The following LRRFIP2 variants were observed in gnomAD, a reference collection of about 807,000 sequenced individuals.
LRRFIP2 encodes LRR binding FLII interacting protein 2, also known as leucine-rich repeat flightless-interacting protein 2.
A neutral mutation model predicts 125.9 loss-of-function variants in LRRFIP2; 109 were observed. That is an observed-to-expected ratio of 0.87 (90% CI 0.74 to 1.01). The LOEUF is 1.01. Ranked by LOEUF, LRRFIP2 falls within the 50% of genes least tolerant of loss-of-function variation. LRRFIP2 has a pLI of 0.00. For missense variants in LRRFIP2, 850 were observed against 862.3 expected (o/e 0.99, Z 0.18); for synonymous variants, 291 against 293.1 (o/e 0.99, Z 0.07).
At chr3:37,151,308 G>A (rs748834327) in intron 1 of LRRFIP2, among the ~76,000 whole-genome samples, 7 of 151,780 alleles carry the variant, frequency 4.6e-5, no homozygotes, top group South Asian at 2.1e-4. Context: ...GCAGTGAACC[G>A]AGATCGTGCC....
At chr3:37,073,022 T>TG (rs1344518633) in intron 20 of LRRFIP2, 140 bp from the exon 21 acceptor site, 8 of 569,534 alleles carry the variant, frequency 1.4e-5, no homozygotes, top group Non-Finnish European at 2.5e-5. Flanking sequence ...AAAGCAAAAT[T>TG]GGTCTGCCAA....
intron 18 of LRRFIP2, among the ~76,000 whole-genome samples, chr3:37,087,192 T>C (rs2093111849): frequency 6.6e-6 from 1 of 152,194 alleles, no homozygotes; most frequent in East Asian, 1.9e-4. Flanking sequence ...AATTAAGTTG[T>C]CAGGGAAGAT....
At chr3:37,070,406 G>A (rs1161432242) in intron 21 of LRRFIP2, among the ~76,000 whole-genome samples, 2 of 151,860 alleles carry the variant, frequency 1.3e-5, no homozygotes, top group African/African-American at 4.8e-5. Context: ...AAGCCACCAT[G>A]CCCAGCCCTG....
At chr3:37,173,734 C>T (rs544257883) in intron 1 of LRRFIP2, among the ~76,000 whole-genome samples, 2 of 152,332 alleles carry the variant, frequency 1.3e-5, no homozygotes, top group East Asian at 3.9e-4. Context: ...AACTCTGTTG[C>T]TTCTCACACT....
chr3:37,061,823 A>G (rs2088836282), intron 24 of LRRFIP2, among the ~76,000 whole-genome samples: 1 of 152,138 alleles, frequency 6.6e-6, no homozygotes, highest in African/African-American at 2.4e-5. Flanking sequence ...CCACAGTCAT[A>G]TACCAGATCT....
chr3:37,072,275 T>G (rs989225909), intron 21 of LRRFIP2, among the ~76,000 whole-genome samples: 1 of 151,748 alleles, frequency 6.6e-6, no homozygotes, highest in African/African-American at 2.4e-5. Flanking sequence ...CCAAGGTGGG[T>G]GGATTACCTG....
intron 25 of LRRFIP2, 109 bp downstream of exon 25, chr3:37,058,675 CAAAAAA>C (rs58404365): frequency 5.6e-5 from 51 of 907,098 alleles, no homozygotes; most frequent in Middle Eastern, 3.1e-4. Flanking sequence ...ACTCCCATCT[CAAAAAA>C]AAAAAAAAAA....
chr3:37,105,704 G>A (rs1257129025), intron 13 of LRRFIP2, among the ~76,000 whole-genome samples, 181 bp from the exon 14 acceptor site: 1 of 152,174 alleles, frequency 6.6e-6, no homozygotes, highest in African/African-American at 2.4e-5. Context: ...ATAATAAACT[G>A]TTATTAAAAA....
At chr3:37,167,942 T>A (rs2096532453) in intron 1 of LRRFIP2, among the ~76,000 whole-genome samples, 1 of 152,134 alleles carries the variant, frequency 6.6e-6, no homozygotes, top group Admixed American at 6.5e-5. Context: ...GGCCATTGCA[T>A]TCCAGTCTTG....
intron 1 of LRRFIP2, among the ~76,000 whole-genome samples, chr3:37,149,934 G>A (rs1320174474): frequency 6.6e-6 from 1 of 151,934 alleles, no homozygotes; most frequent in Non-Finnish European, 1.5e-5. Context: ...CCAGGAGATG[G>A]AGGTTGCAGT....
intron 2 of LRRFIP2, among the ~76,000 whole-genome samples, chr3:37,146,924 A>G (rs2095869119): frequency 6.6e-6 from 1 of 152,232 alleles, no homozygotes; most frequent in Non-Finnish European, 1.5e-5. Flanking sequence ...CAGAGTGAAC[A>G]GACAAGCTAC....
chr3:37,158,541 A>C (rs2096257205), intron 1 of LRRFIP2, among the ~76,000 whole-genome samples: 1 of 151,534 alleles, frequency 6.6e-6, no homozygotes, highest in Non-Finnish European at 1.5e-5. Context: ...TGGGAGGCAG[A>C]GGTTGCAGTG....
chr3:37,166,740 A>G (rs985843104), intron 1 of LRRFIP2, among the ~76,000 whole-genome samples: 1 of 151,434 alleles, frequency 6.6e-6, no homozygotes, highest in Non-Finnish European at 1.5e-5. Flanking sequence ...AAAAAGAGGC[A>G]AGGCACAGTG....
At chr3:37,108,806 C>T in intron 11 of LRRFIP2, 122 bp from the exon 12 acceptor site, 1 of 665,594 alleles carries the variant, frequency 1.5e-6, no homozygotes, top group Non-Finnish European at 2.6e-6. Context: ...TGTATAGCCT[C>T]CCAGAATGAA....
intron 1 of LRRFIP2, among the ~76,000 whole-genome samples, chr3:37,162,551 T>C (rs1182974489): frequency 2.6e-5 from 4 of 152,186 alleles, no homozygotes; most frequent in African/African-American, 9.7e-5. Flanking sequence ...TTTTCAGACA[T>C]GAAAGGTCTC....
intron 21 of LRRFIP2, chr3:37,066,822 G>A (rs1406178979): frequency 6.5e-6 from 1 of 153,414 alleles, no homozygotes; most frequent in Admixed American, 6.4e-5. Context: ...ATTTAATATT[G>A]GCTGTAGATT....
At position 37,089,214 on chromosome 3, in the gene LRRFIP2, C is replaced by T. The variant is rs769735061; in HGVS notation, c.1107+2253G>A. On this transcript the variant is annotated intron_variant, in intron 18 of 27. Transcript: ENST00000336686. Reference sequence around the variant, plus strand: ...TTAATGGGTTTAGTCCTTTGACTTACAAAATCGTTAATCTTTCATGAAATA... The same window carrying T: ...TTAATGGGTTTAGTCCTTTGACTTATAAAATCGTTAATCTTTCATGAAATA... 8.5e-5 allele frequency among the ~76,000 whole-genome samples: 13 copies of T among 152,058 alleles called. 1 individual carries two copies. Among genetic ancestry groups the T allele is most frequent in the Non-Finnish European group, 1.8e-4 (12 of 68,008 alleles).
At chr3:37,167,652 T>A (rs1251832809) in intron 1 of LRRFIP2, among the ~76,000 whole-genome samples, 1 of 119,982 alleles carries the variant, frequency 8.3e-6, no homozygotes, top group East Asian at 2.4e-4. Flanking sequence ...ACACTCTGTC[T>A]CAAAAAAAAA....
At chr3:37,131,304 C>G (rs1201247984) in intron 2 of LRRFIP2, among the ~76,000 whole-genome samples, 2 of 152,180 alleles carry the variant, frequency 1.3e-5, no homozygotes, top group African/African-American at 4.8e-5. Context: ...ATATTACCTT[C>G]TATGAAGATT....
Sources: gnomAD v4.1 joint callset for allele counts (sites outside exome capture counted in the v4.1 genomes callset) on GRCh38, gnomAD v4.1.1 for gene constraint, MANE v1.5 for transcripts, NCBI Gene and HGNC (gene_info 2026-07-23, HGNC 2026-07-21) for gene names.